DHX30: variants seen among roughly 807,000 people sequenced by gnomAD.
The protein encoded by DHX30 is ATP-dependent RNA helicase DHX30.
In DHX30, 4 loss-of-function variants were observed where a neutral mutation model predicts 116.9. The observed-to-expected ratio is 0.03, with a 90% confidence interval of 0.02 to 0.08. The LOEUF is 0.08. Among genes scored for constraint, DHX30 ranks in the 10% least tolerant of loss-of-function variants. The pLI is 1.00. For synonymous variants in DHX30, 697 were observed against 651.7 expected (o/e 1.07, Z -1.06); for missense variants, 871 against 1,595.1 (o/e 0.55, Z 7.73).
At chr3:47,824,220 C>T (rs1322932005) in intron 4 of DHX30, among the ~76,000 whole-genome samples, 1 of 152,052 alleles carries the variant, frequency 6.6e-6, no homozygotes, top group East Asian at 1.9e-4. Flanking sequence ...CCAGGCTGGT[C>T]TCGAACTCCT....
rs1426249424 is a variant in DHX30 at position 47,846,978 on chromosome 3, C to G, written c.1906C>G (p.Leu636Val). Residue 636 changes from leucine (L) to valine (V), a missense_variant, in exon 11 of 22, where the codon CTG (leucine) becomes GTG (valine). Coordinates refer to ENST00000445061, the MANE Select transcript of DHX30 (RefSeq NM_138615.3). Reference sequence around the variant, plus strand: ...GGCCAAGTTGGGCAAGCACCAGTACCTGCACCGGCACCGGCACCATGAGGT... The same window carrying G: ...GGCCAAGTTGGGCAAGCACCAGTACGTGCACCGGCACCGGCACCATGAGGT... ...ILAKLGKHQY[L>V]HRHRHHESED... The G allele has an allele frequency of 6.2e-7, 1 of 1,612,478 alleles. No individual in the cohort carries two copies. The highest frequency in any genetic ancestry group is 8.5e-7 in the Non-Finnish European group (1 of 1,179,354).
At chr3:47,806,401 G>A (rs1388889556) in intron 2 of DHX30, among the ~76,000 whole-genome samples, 3 of 149,550 alleles carry the variant, frequency 2.0e-5, no homozygotes, top group Non-Finnish European at 3.0e-5. Context: ...CTCTGCCTCC[G>A]AAAGTGCTGG....
At chr3:47,843,290 G>A (rs746791219) in intron 9 of DHX30, 35 bp downstream of exon 9, 2 of 1,611,080 alleles carry the variant, frequency 1.2e-6, no homozygotes, top group South Asian at 2.2e-5. Context: ...TGGTGCATGA[G>A]AATGTCTTGA....
In DHX30 at chr3:47,811,018, C is replaced by T. The variant is rs139650294; in HGVS notation, c.28+307C>T. Among the ~76,000 whole-genome samples, 790 of 152,016 alleles carry T rather than the reference C, an allele frequency of 5.2e-3. 7 individuals carry two copies. The highest frequency in any genetic ancestry group is 7.5e-3 in the South Asian group (36 of 4,824). On this transcript the variant is annotated intron_variant, in intron 3 of 21. Coordinates refer to ENST00000445061, the MANE Select transcript of DHX30 (RefSeq NM_138615.3). ...AGGCTGGAGTGCAGTGGCACGATCT[C>T]GGCTCAGTGCAATCTCCTCCTCCTG...
chr3:47,847,469 C>A lies in DHX30; in HGVS notation c.2043C>A (p.Ile681=), dbSNP rs1211329694. 1 of 1,613,274 alleles carries A rather than the reference C, an allele frequency of 6.2e-7. No individual in the cohort carries two copies. Among genetic ancestry groups the A allele is most frequent in the South Asian group, 1.1e-5 (1 of 91,016 alleles). The change falls in exon 13 of 22, where the codon ATC becomes ATA. Residue 681 remains isoleucine (I), a synonymous_variant. Coordinates refer to ENST00000445061, the MANE Select transcript of DHX30 (RefSeq NM_138615.3). The surrounding 1 kb of genome is among the most constrained non-coding windows in gnomAD (Gnocchi z 5.5). ...ILCFLPGWQE[I]KGVQQRLQEA... is the part of the protein sequence containing the mutation. ...GCTTCCTGCCTGGGTGGCAGGAGAT[C>A]AAAGGAGTGCAGCAGCGCCTCCAGG...
intron 4 of DHX30, among the ~76,000 whole-genome samples, chr3:47,825,565 A>G (rs2036516004): frequency 6.6e-6 from 1 of 152,250 alleles, no homozygotes; most frequent in Non-Finnish European, 1.5e-5. Flanking sequence ...AGGGACAAGC[A>G]TGCCCTCACC....
chr3:47,834,759 C>A (rs1377628249), intron 6 of DHX30, among the ~76,000 whole-genome samples: 2 of 151,930 alleles, frequency 1.3e-5, no homozygotes, highest in East Asian at 3.9e-4. Context: ...TGCACCTGGC[C>A]AGATCTCCTC....
chr3:47,817,977 G>A (rs763171714), intron 3 of DHX30, 45 bp from the exon 4 acceptor site: 1 of 780,810 alleles, frequency 1.3e-6, no homozygotes, highest in South Asian at 1.3e-5. Context: ...CTGTGACTGT[G>A]AGGGGTGAGA....
chr3:47,847,235 C>A lies in DHX30; in HGVS notation c.1930-38C>A, dbSNP rs370087614. 6.2e-7 allele frequency: 1 copy of A among 1,613,566 alleles called. No homozygotes were observed. Among genetic ancestry groups the A allele is most frequent in the Non-Finnish European group, 8.5e-7 (1 of 1,179,590 alleles). ...TGTGTCCTTGGCATGACCCCTTACC[C>A]CGGGGCTGTGACTGTGGCCTCTCTT... On this transcript the variant is annotated intron_variant, in intron 11 of 21. Transcript: ENST00000445061. This position sits in a 1 kb window ranked among gnomAD's most constrained non-coding sequence, Gnocchi z 5.5.
At position 47,849,636 on chromosome 3, in the gene DHX30, C is replaced by T; in HGVS notation, c.3198C>T (p.Ala1066=). ...LLHKSTINRE[A]TRLRSRWLTY... Reference sequence around the variant, plus strand: ...CCAGCCCTGTGTTCCCTAGGGAGGCCACACGGTTACGGAGCCGATGGCTGA... The same window carrying T: ...CCAGCCCTGTGTTCCCTAGGGAGGCTACACGGTTACGGAGCCGATGGCTGA... Residue 1066 remains alanine (A), a synonymous_variant, in exon 21 of 22, where the codon GCC becomes GCT. Coordinates refer to ENST00000445061, the MANE Select transcript of DHX30 (RefSeq NM_138615.3). 1.9e-6 allele frequency: 3 copies of T among 1,614,202 alleles called. No homozygotes were observed. In the South Asian group the frequency reaches 3.3e-5, roughly 18 times the overall value.
intron 2 of DHX30, among the ~76,000 whole-genome samples, chr3:47,809,234 CTT>C (rs71070231): frequency 3.1e-4 from 20 of 63,528 alleles, no homozygotes; most frequent in African/African-American, 1.3e-3. Flanking sequence ...AATGTAACTT[CTT>C]TTTTTTTTTT....
In DHX30 at chr3:47,847,760, GGTGT is replaced by G; in HGVS notation, c.2111-16_2111-13del. ...TCTGGTGGAAGCAGTGCCCATAACT[GGTGT>G]GTGTCTTGCCCACCAGTGCACTCCA... is the stretch of plus-strand genomic sequence containing the variant. On this transcript the variant is annotated splice_polypyrimidine_tract_variant and intron_variant, in intron 13 of 21. Transcript: ENST00000445061. This position sits in a 1 kb window ranked among gnomAD's most constrained non-coding sequence, Gnocchi z 5.5. 1 of 1,608,502 alleles carries G rather than the reference GGTGT, an allele frequency of 6.2e-7. No individual in the cohort carries two copies. Among genetic ancestry groups the G allele is most frequent in the Non-Finnish European group, 8.5e-7 (1 of 1,176,250 alleles).
chr3:47,847,887 A>G lies in DHX30; in HGVS notation c.2217A>G (p.Thr739=), dbSNP rs762492028. The part of the protein sequence containing the change: ...LATNIAETSI[T]INDIVHVVDS... ...CCAACATTGCTGAGACTTCCATCACAATCAATGACATCGTGCATGTGGTGG... is the reference window on the plus strand; with the variant it reads ...CCAACATTGCTGAGACTTCCATCACGATCAATGACATCGTGCATGTGGTGG... Residue 739 remains threonine (T), a synonymous_variant, in exon 14 of 22, where the codon ACA becomes ACG. Transcript: ENST00000445061. This position sits in a 1 kb window ranked among gnomAD's most constrained non-coding sequence, Gnocchi z 5.5. 9.4e-5 allele frequency: 152 copies of G among 1,614,072 alleles called. No individual in the cohort carries two copies. Among genetic ancestry groups the G allele is most frequent in the Middle Eastern group, 8.2e-4 (5 of 6,084 alleles).
At chr3:47,823,050 A>G (rs1053543182) in intron 4 of DHX30, among the ~76,000 whole-genome samples, 7 of 147,364 alleles carry the variant, frequency 4.8e-5, no homozygotes, top group Non-Finnish European at 1.0e-4. Flanking sequence ...CCGAGATTGC[A>G]CCACTGCACT....
In DHX30 at chr3:47,847,662, A is replaced by G; in HGVS notation, c.2111-119A>G. ...CAAGCTGTGGCACTTTTCACTGGGC[A>G]TAGTGTTTATCTGCGCCTGTTTCAT... is the stretch of plus-strand genomic sequence containing the variant. On this transcript the variant is annotated intron_variant, in intron 13 of 21. Transcript: ENST00000445061. This position sits in a 1 kb window ranked among gnomAD's most constrained non-coding sequence, Gnocchi z 5.5. 2.7e-6 allele frequency: 4 copies of G among 1,464,530 alleles called. No homozygotes were observed. Among genetic ancestry groups the G allele is most frequent in the Non-Finnish European group, 2.8e-6 (3 of 1,088,868 alleles). The allele number at this position is 1,464,530 out of a possible 1,614,324, so 90.7% of individuals were successfully genotyped here.
Position 47,846,802 on chromosome 3 carries a change from G to T in DHX30, c.1730G>T (p.Gly577Val). 1 of 1,613,416 alleles carries T rather than the reference G, an allele frequency of 6.2e-7. No individual in the cohort carries two copies. The highest frequency in any genetic ancestry group is 8.5e-7 in the Non-Finnish European group (1 of 1,179,890). The change falls in exon 11 of 22, where the codon GGC becomes GTC. Residue 577 changes from glycine (G) to valine (V), a missense_variant. By Grantham distance (109) the Gly-to-Val change is moderately radical. Coordinates refer to ENST00000445061, the MANE Select transcript of DHX30 (RefSeq NM_138615.3). ...GACTTTCTGCTGATCCTGCTCAAGG[G>T]CCTGCAGCGGCTCAACCCGGCCCTG... ...NTDFLLILLK[G>V]LQRLNPALRL...
intron 6 of DHX30, among the ~76,000 whole-genome samples, chr3:47,831,667 A>G (rs1391610761): frequency 7.0e-6 from 1 of 143,752 alleles, no homozygotes; most frequent in South Asian, 2.2e-4. Context: ...CATGCCCTCT[A>G]GTTACTTTTT....
Position 47,825,395 on chromosome 3 carries a change from C to G in DHX30, c.125-1952C>G. The G allele has an allele frequency of 1.1e-5, 6 of 525,166 alleles. No homozygotes were observed. The South Asian group carries it at 1.3e-4, about 11-fold the overall frequency. 32.5% of individuals were successfully genotyped at this position (525,166 alleles called of 1,614,324 possible). On this transcript the variant is annotated intron_variant, in intron 4 of 21. Coordinates refer to ENST00000445061, the MANE Select transcript of DHX30 (RefSeq NM_138615.3). Reference sequence around the variant, plus strand: ...TCGCCATCCGTCGGCGGGCAGCGGCCTTGCTGTTTGTAAAGCTTAGCGTGG... The same window carrying G: ...TCGCCATCCGTCGGCGGGCAGCGGCGTTGCTGTTTGTAAAGCTTAGCGTGG...
Position 47,847,196 on chromosome 3 carries a change from C to CT in DHX30, c.1930-76dup. ...GTTGATGTCAAGCGGCTCCGTCTCACTGAGTCAGGTGGCTGTGTCCTTGGC... is the reference window on the plus strand; with the variant it reads ...GTTGATGTCAAGCGGCTCCGTCTCACTTGAGTCAGGTGGCTGTGTCCTTGGC... On this transcript the variant is annotated intron_variant, in intron 11 of 21. Coordinates refer to ENST00000445061, the MANE Select transcript of DHX30 (RefSeq NM_138615.3). This position sits in a 1 kb window ranked among gnomAD's most constrained non-coding sequence, Gnocchi z 5.5. 3.8e-6 allele frequency: 6 copies of CT among 1,585,536 alleles called. No homozygotes were observed. The highest frequency in any genetic ancestry group is 5.2e-6 in the Non-Finnish European group (6 of 1,154,658).
Sources: allele counts gnomAD v4.1 joint callset (sites outside exome capture counted in the v4.1 genomes callset), GRCh38; gene constraint gnomAD v4.1.1; non-coding constraint Gnocchi (gnomAD v3.1); transcripts MANE v1.5; gene names NCBI Gene and HGNC (gene_info 2026-07-23, HGNC 2026-07-21).